KANK1: variants seen among roughly 807,000 people sequenced by gnomAD.
KANK1 encodes KN motif and ankyrin repeat domain-containing protein 1.
A neutral mutation model predicts 106.2 loss-of-function variants in KANK1; 109 were observed. The ratio of observed to expected loss-of-function variants is 1.03; its 90% CI spans 0.88 to 1.20. KANK1 has a LOEUF of 1.20. Ranked by LOEUF, KANK1 falls within the 50% of genes most tolerant of loss-of-function variation. KANK1 has a pLI of 0.00. For synonymous variants in KANK1, 873 were observed against 652.2 expected (o/e 1.34, Z -5.16); for missense variants, 2,399 against 1,710.7 (o/e 1.40, Z -7.10).
intron 1 of KANK1, among the ~76,000 whole-genome samples, chr9:560,741 G>A (rs971519646): frequency 6.6e-6 from 1 of 151,906 alleles, no homozygotes; most frequent in Admixed American, 6.6e-5. Flanking sequence ...CCATTGTTGG[G>A]AGGGAAGCTA....
At chr9:593,714 A>G (rs535360533) in intron 1 of KANK1, among the ~76,000 whole-genome samples, 2 of 151,956 alleles carry the variant, frequency 1.3e-5, no homozygotes, top group East Asian at 1.9e-4. Context: ...TCTGATCATG[A>G]TGATTTCCAT....
At chr9:598,934 C>T (rs1346216297) in intron 1 of KANK1, among the ~76,000 whole-genome samples, 2 of 148,214 alleles carry the variant, frequency 1.3e-5, no homozygotes, top group African/African-American at 2.5e-5. Flanking sequence ...GCCCGGCCAT[C>T]CCTAGGTATT....
intron 1 of KANK1, among the ~76,000 whole-genome samples, chr9:507,619 C>T (rs1298120372): frequency 2.0e-5 from 3 of 147,358 alleles, no homozygotes; most frequent in East Asian, 2.0e-4. Flanking sequence ...TGCAGTGGCG[C>T]GATCTCAGCT....
chr9:731,113 G>A (rs778842987), intron 4 of KANK1, 45 bp from the exon 5 acceptor site: 2 of 1,021,656 alleles, frequency 2.0e-6, no homozygotes, highest in Admixed American at 1.8e-5. Context: ...CATTTAACAT[G>A]TATGGGTGTG....
intron 1 of KANK1, among the ~76,000 whole-genome samples, chr9:561,402 A>G (rs1288821613): frequency 1.3e-5 from 2 of 152,114 alleles, no homozygotes. Flanking sequence ...GTATGAGTGC[A>G]CTCTTATTTA....
chr9:510,968 G>A (rs961560553), intron 1 of KANK1, among the ~76,000 whole-genome samples: 1 of 152,148 alleles, frequency 6.6e-6, no homozygotes. Context: ...ACTTAAATTT[G>A]TATTATGTGC....
chr9:560,961 G>A (rs1194262259), intron 1 of KANK1, among the ~76,000 whole-genome samples: 11 of 152,176 alleles, frequency 7.2e-5, no homozygotes, highest in African/African-American at 2.7e-4. Flanking sequence ...TGATATGGGT[G>A]GCCTTCTCTG....
chr9:694,822 G>A (rs1273375060), intron 2 of KANK1, among the ~76,000 whole-genome samples: 1 of 152,200 alleles, frequency 6.6e-6, no homozygotes, highest in Non-Finnish European at 1.5e-5. Context: ...GGTCATGCCA[G>A]TTAGGATGCA....
chr9:738,537 T>A, intron 8 of KANK1, 33 bp downstream of exon 8: 1 of 1,538,090 alleles, frequency 6.5e-7, no homozygotes, highest in Non-Finnish European at 9.0e-7. Context: ...CTCTCTTCTC[T>A]AACAGTACTT....
intron 1 of KANK1, among the ~76,000 whole-genome samples, chr9:665,037 G>T (rs1326071608): frequency 1.3e-5 from 2 of 152,104 alleles, no homozygotes; most frequent in South Asian, 4.2e-4. Flanking sequence ...CTATTGAGTT[G>T]TTTGAGCTCC....
intron 1 of KANK1, among the ~76,000 whole-genome samples, chr9:606,833 A>G (rs1264032525): frequency 6.6e-6 from 1 of 151,624 alleles, no homozygotes; most frequent in African/African-American, 2.4e-5. Context: ...GCCATATGCC[A>G]GGTACTGTTC....
intron 3 of KANK1, among the ~76,000 whole-genome samples, chr9:478,956 G>A (rs910655644): frequency 2.1e-5 from 3 of 143,756 alleles, no homozygotes; most frequent in Non-Finnish European, 4.5e-5. Flanking sequence ...TTCGCTTTGT[G>A]GTCCAGCCTG....
At chr9:583,750 G>A (rs1822759205) in intron 1 of KANK1, among the ~76,000 whole-genome samples, 2 of 150,634 alleles carry the variant, frequency 1.3e-5, no homozygotes, top group South Asian at 4.2e-4. Context: ...TAATATCCTG[G>A]ATATATGAAA....
chr9:711,408 T>A lies in KANK1; in HGVS notation c.642T>A (p.Asn214Lys). 1 of 1,614,178 alleles carries A rather than the reference T, an allele frequency of 6.2e-7. No homozygotes were observed. Among genetic ancestry groups the A allele is most frequent in the Non-Finnish European group, 8.5e-7 (1 of 1,180,028 alleles). The change falls in exon 3 of 12, where the codon AAT becomes AAA. Residue 214 changes from asparagine (N) to lysine (K), a missense_variant. Transcript: ENST00000382297. ...ATCCTGCCAAGCACCAGCTTCAGAATGGATACCAAGGTAATGGGGATTATG... is the reference window on the plus strand; with the variant it reads ...ATCCTGCCAAGCACCAGCTTCAGAAAGGATACCAAGGTAATGGGGATTATG... The part of the protein sequence containing the change: ...NHNPAKHQLQ[N>K]GYQGNGDYGS...
At chr9:630,624 G>C (rs567298940) in intron 1 of KANK1, among the ~76,000 whole-genome samples, 85 of 149,326 alleles carry the variant, frequency 5.7e-4, no homozygotes, top group South Asian at 4.3e-3. Flanking sequence ...GCTTAGGGCT[G>C]GGCGCGGTGG....
At chr9:691,332 C>G in intron 2 of KANK1, among the ~76,000 whole-genome samples, 1 of 151,614 alleles carries the variant, frequency 6.6e-6, no homozygotes, top group East Asian at 1.9e-4. Flanking sequence ...AGAAACACTA[C>G]ATTCAGTACT....
At chr9:717,065 G>A (rs937771713) in intron 3 of KANK1, among the ~76,000 whole-genome samples, 1 of 151,908 alleles carries the variant, frequency 6.6e-6, no homozygotes, top group Non-Finnish European at 1.5e-5. Context: ...CTGGCAGAGT[G>A]CTTGAGCCCA....
At chr9:523,497 T>A (rs927283605) in intron 1 of KANK1, among the ~76,000 whole-genome samples, 2 of 151,766 alleles carry the variant, frequency 1.3e-5, no homozygotes, top group African/African-American at 4.9e-5. Flanking sequence ...AAAGTCACAT[T>A]GTGGCACTGC....
intron 1 of KANK1, among the ~76,000 whole-genome samples, chr9:638,158 C>T (rs1192721079): frequency 1.3e-5 from 2 of 152,298 alleles, no homozygotes; most frequent in Admixed American, 6.5e-5. Flanking sequence ...AAGATACAAA[C>T]AAAGCAGTCA....
Sources: allele counts gnomAD v4.1 joint callset (sites outside exome capture counted in the v4.1 genomes callset), GRCh38; gene constraint gnomAD v4.1.1; transcripts MANE v1.5; gene names NCBI Gene and HGNC (gene_info 2026-07-23, HGNC 2026-07-21).